Variants in RALYL observed in about 807,000 individuals in gnomAD.
RALYL encodes RALY RNA binding protein like.
Under a neutral mutation model 35.1 loss-of-function variants are expected in RALYL, and 29 were observed. The observed-to-expected ratio is 0.83, with a 90% CI of 0.61 to 1.13. The LOEUF is 1.13. Ranked by LOEUF, RALYL falls within the 50% of genes most tolerant of loss-of-function variation. The pLI is 0.00. For missense variants in RALYL, 359 were observed against 360.4 expected (o/e 1.00, Z 0.03); for synonymous variants, 120 against 127.6 (o/e 0.94, Z 0.40).
At chr8:84,680,942 T>C (rs1835343100) in intron 2 of RALYL, among the ~76,000 whole-genome samples, 1 of 151,996 alleles carries the variant, frequency 6.6e-6, no homozygotes, top group Non-Finnish European at 1.5e-5. Flanking sequence ...ATGTCCTGAA[T>C]GGTAATGCCT....
chr8:84,829,803 CACA>C (rs1003150899), intron 4 of RALYL, among the ~76,000 whole-genome samples: 3 of 152,094 alleles, frequency 2.0e-5, no homozygotes, highest in Middle Eastern at 3.2e-3. Flanking sequence ...AGCCTCTGAT[CACA>C]ACATTTTTGC....
At chr8:84,216,023 TA>T in intron 1 of RALYL, among the ~76,000 whole-genome samples, 1 of 152,142 alleles carries the variant, frequency 6.6e-6, no homozygotes, top group Non-Finnish European at 1.5e-5. Flanking sequence ...CAATAAATGA[TA>T]ACTTCAGTAA....
chr8:84,495,286 C>A (rs925573893), intron 1 of RALYL, among the ~76,000 whole-genome samples: 8 of 152,008 alleles, frequency 5.3e-5, no homozygotes, highest in Non-Finnish European at 1.0e-4. Flanking sequence ...AGTTTCATGT[C>A]TTTGTTAGAT....
chr8:84,788,700 C>T (rs1050742834), intron 3 of RALYL, among the ~76,000 whole-genome samples: 1 of 152,142 alleles, frequency 6.6e-6, no homozygotes, highest in East Asian at 1.9e-4. Flanking sequence ...TGTGTGGAGG[C>T]ATAGTTCCTA....
At chr8:84,516,057 G>A (rs1401212170) in intron 1 of RALYL, among the ~76,000 whole-genome samples, 4 of 150,672 alleles carry the variant, frequency 2.7e-5, no homozygotes, top group Non-Finnish European at 5.9e-5. Flanking sequence ...AGTGGGAGAG[G>A]TGGGTGGGGA....
intron 2 of RALYL, among the ~76,000 whole-genome samples, chr8:84,706,257 G>C (rs1404004762): frequency 2.6e-5 from 4 of 152,148 alleles, no homozygotes; most frequent in Non-Finnish European, 5.9e-5. Context: ...TAATTCGCTT[G>C]TTACCATGGA....
chr8:84,375,731 A>C (rs529687045), intron 1 of RALYL, among the ~76,000 whole-genome samples: 3 of 151,960 alleles, frequency 2.0e-5, no homozygotes, highest in African/African-American at 7.2e-5. Flanking sequence ...CATTCAACTT[A>C]TTTGCCAAAG....
intron 1 of RALYL, among the ~76,000 whole-genome samples, chr8:84,490,979 A>T (rs2055226061): frequency 6.6e-6 from 1 of 151,926 alleles, no homozygotes; most frequent in South Asian, 2.1e-4. Flanking sequence ...TTTTTTAAGC[A>T]GAGTTGAAGA....
At chr8:84,891,471 G>C (rs955575274) in intron 8 of RALYL, among the ~76,000 whole-genome samples, 1 of 152,152 alleles carries the variant, frequency 6.6e-6, no homozygotes, top group Non-Finnish European at 1.5e-5. Context: ...TAACCATACA[G>C]TCATGGCAAT....
intron 1 of RALYL, among the ~76,000 whole-genome samples, chr8:84,294,927 G>A (rs1167055562): frequency 2.0e-5 from 3 of 151,980 alleles, no homozygotes; most frequent in African/African-American, 7.2e-5. Context: ...TCAAAGCAGG[G>A]CAAAAATTGG....
chr8:84,634,771 A>G (rs895780845), intron 2 of RALYL, among the ~76,000 whole-genome samples: 3 of 151,748 alleles, frequency 2.0e-5, no homozygotes, highest in Non-Finnish European at 2.9e-5. Flanking sequence ...GAGAAAGAGA[A>G]CTTCAAGGAG....
At chr8:84,308,373 T>A (rs1014978749) in intron 1 of RALYL, among the ~76,000 whole-genome samples, 3 of 151,948 alleles carry the variant, frequency 2.0e-5, no homozygotes, top group South Asian at 2.1e-4. Flanking sequence ...AAAAAAAAAA[T>A]TATTTAAAAC....
At chr8:84,382,525 G>A (rs1034638986) in intron 1 of RALYL, among the ~76,000 whole-genome samples, 1 of 151,578 alleles carries the variant, frequency 6.6e-6, no homozygotes, top group African/African-American at 2.4e-5. Context: ...TATTTATTCT[G>A]TTAGTGAATA....
At chr8:84,401,967 A>G (rs1037977483) in intron 1 of RALYL, among the ~76,000 whole-genome samples, 1 of 152,068 alleles carries the variant, frequency 6.6e-6, no homozygotes, top group Non-Finnish European at 1.5e-5. Context: ...TTGTGAAATC[A>G]CTTGTAACCC....
intron 3 of RALYL, among the ~76,000 whole-genome samples, chr8:84,787,117 G>C (rs183308411): frequency 6.6e-6 from 1 of 151,978 alleles, no homozygotes; most frequent in African/African-American, 2.4e-5. Context: ...CCATCAACCC[G>C]TCATCTACAT....
chr8:84,692,374 A>G (rs967783583), intron 2 of RALYL, among the ~76,000 whole-genome samples: 2 of 152,024 alleles, frequency 1.3e-5, no homozygotes, highest in African/African-American at 4.8e-5. Context: ...TTTTCATTCT[A>G]TGTACCAGCA....
intron 1 of RALYL, among the ~76,000 whole-genome samples, chr8:84,514,311 T>C (rs896145845): frequency 6.6e-6 from 1 of 152,080 alleles, no homozygotes; most frequent in African/African-American, 2.4e-5. Flanking sequence ...ATGTTACATT[T>C]TGTTTGGTCT....
chr8:84,435,933 GGTT>G (rs2047663348), intron 1 of RALYL, among the ~76,000 whole-genome samples: 1 of 152,090 alleles, frequency 6.6e-6, no homozygotes, highest in Non-Finnish European at 1.5e-5. Flanking sequence ...CTAGAAATAT[GGTT>G]GTTGTGGATT....
intron 2 of RALYL, among the ~76,000 whole-genome samples, chr8:84,602,580 T>G (rs185633251): frequency 6.6e-6 from 1 of 152,262 alleles, no homozygotes; most frequent in Admixed American, 6.5e-5. Flanking sequence ...TTCAGGATTT[T>G]TCCAGAGTTT....
Sources: gnomAD v4.1 joint callset for allele counts (sites outside exome capture counted in the v4.1 genomes callset) on GRCh38, gnomAD v4.1.1 for gene constraint, MANE v1.5 for transcripts, NCBI Gene and HGNC (gene_info 2026-07-23, HGNC 2026-07-21) for gene names.